The following USP7 variants were observed in gnomAD, a reference collection of about 807,000 sequenced individuals.
USP7 encodes the protein ubiquitin specific peptidase 7.
A neutral mutation model predicts 162.9 loss-of-function variants in USP7; 9 were observed. The ratio of observed to expected loss-of-function variants is 0.06; its 90% CI spans 0.03 to 0.10. USP7 has a LOEUF of 0.10. USP7 is among the 10% of genes least tolerant of loss of function. The pLI is 1.00. For synonymous variants in USP7, 562 were observed against 475.9 expected (o/e 1.18, Z -2.35); for missense variants, 715 against 1,373.7 (o/e 0.52, Z 7.58).
At chr16:8,917,962 T>C (rs1289423303) in intron 6 of USP7, among the ~76,000 whole-genome samples, 2 of 151,960 alleles carry the variant, frequency 1.3e-5, no homozygotes, top group African/African-American at 4.8e-5. Context: ...GATAATTTTT[T>C]TGTATTTTTA....
chr16:8,951,634 A>G (rs1192262441), intron 1 of USP7, among the ~76,000 whole-genome samples: 1 of 152,224 alleles, frequency 6.6e-6, no homozygotes, highest in Admixed American at 6.5e-5. Flanking sequence ...ATGCTGTAAT[A>G]TCTAACTCTG....
At position 8,944,873 on chromosome 16, in the gene USP7, A is replaced by G. The variant is rs1596408083; in HGVS notation, c.80-14476T>C. ...GTGATCCCAGCACTTGGGAGGCTGA[A>G]GTGAGGGGCAGATCGAATGAGGTCA... On this transcript the variant is annotated intron_variant, in intron 1 of 30. Transcript: ENST00000344836. Among the ~76,000 whole-genome samples the G allele has an allele frequency of 2.0e-5, 3 of 151,552 alleles. No individual in the cohort carries two copies. In the South Asian group the frequency reaches 6.2e-4, roughly 31 times the overall value.
intron 19 of USP7, 42 bp downstream of exon 19, chr16:8,901,100 T>A: frequency 6.2e-7 from 1 of 1,613,564 alleles, no homozygotes. Flanking sequence ...TGTAATGTAC[T>A]GAGCAAAATC....
At chr16:8,935,412 C>T (rs761251731) in intron 1 of USP7, among the ~76,000 whole-genome samples, 29 of 152,068 alleles carry the variant, frequency 1.9e-4, no homozygotes, top group Non-Finnish European at 3.5e-4. Context: ...GGTTTCACCA[C>T]GTTGGCCAGG....
chr16:8,894,495 ACTTGTTTCTTAGT>A, intron 30 of USP7, 42 bp downstream of exon 30: 4 of 1,576,470 alleles, frequency 2.5e-6, no homozygotes, highest in Non-Finnish European at 3.4e-6. Flanking sequence ...GCCCCAGACC[ACTTGTTTCTTAGT>A]CTGAAACCCA....
At chr16:8,922,658 C>T (rs1295229292) in intron 3 of USP7, among the ~76,000 whole-genome samples, 2 of 152,154 alleles carry the variant, frequency 1.3e-5, no homozygotes, top group Admixed American at 6.5e-5. Context: ...CAAAGTGGTC[C>T]GTACTCCCAG....
intron 2 of USP7, among the ~76,000 whole-genome samples, chr16:8,923,804 C>G (rs1357180102): frequency 6.6e-6 from 1 of 152,074 alleles, no homozygotes; most frequent in African/African-American, 2.4e-5. Context: ...GGGTAAAGAC[C>G]ACGACATGGG....
chr16:8,929,687 G>C (rs1014917208), intron 2 of USP7: 8 of 402,948 alleles, frequency 2.0e-5, no homozygotes, highest in Admixed American at 1.8e-4. Flanking sequence ...CAAATATTGA[G>C]GTCACTAATT....
chr16:8,951,976 C>G (rs1004925962), intron 1 of USP7, among the ~76,000 whole-genome samples: 1 of 152,190 alleles, frequency 6.6e-6, no homozygotes, highest in Non-Finnish European at 1.5e-5. Context: ...GGAACCACAC[C>G]ACAACGTTCA....
intron 3 of USP7, among the ~76,000 whole-genome samples, chr16:8,922,656 T>C (rs571296141): frequency 6.6e-6 from 1 of 152,206 alleles, no homozygotes; most frequent in East Asian, 1.9e-4. Context: ...GACAAAGTGG[T>C]CCGTACTCCC....
At chr16:8,943,113 C>A (rs540727172) in intron 1 of USP7, among the ~76,000 whole-genome samples, 1 of 151,972 alleles carries the variant, frequency 6.6e-6, no homozygotes, top group Non-Finnish European at 1.5e-5. Context: ...AAACCAAGCC[C>A]CAAAGAAGGC....
chr16:8,894,823 G>T lies in USP7; in HGVS notation c.3072C>A (p.Ile1024=), dbSNP rs1237278744. 1 of 1,614,192 alleles carries T rather than the reference G, an allele frequency of 6.2e-7. No individual in the cohort carries two copies. Among genetic ancestry groups the T allele is most frequent in the Non-Finnish European group, 8.5e-7 (1 of 1,180,038 alleles). ...GEHFREVMKR[I]QSLLDIQEKE... ...TCTCCTGGATGTCCAGCAGGCTCTG[G>T]ATTCGCTTCATCACTTCTCGAAAAT... Residue 1024 remains isoleucine (I), a synonymous_variant, in exon 29 of 31, where the codon ATC becomes ATA. Coordinates refer to ENST00000344836, the MANE Select transcript of USP7 (RefSeq NM_003470.3).
At position 8,906,427 on chromosome 16, in the gene USP7, T is replaced by C. The variant is rs147329800; in HGVS notation, c.1427A>G (p.Lys476Arg). ...TCAGCCCTGGGTCCCACCACTTACT[T>C]TGCCATCCCCTTTGGGGTTTAGATA... ...VVYLNPKGDGKWCKFDDDVVS... is the reference protein window; with the variant it reads ...VVYLNPKGDGRWCKFDDDVVS... Residue 476 changes from lysine (K) to arginine (R), a missense_variant and splice_region_variant, in exon 13 of 31, where the codon AAA (lysine) becomes AGA (arginine). By Grantham distance (26) the Lys-to-Arg change is conservative (BLOSUM62 2). Transcript: ENST00000344836. 35 of 1,611,058 alleles carry C rather than the reference T, an allele frequency of 2.2e-5. No homozygotes were observed. In the African/African-American group the frequency reaches 2.5e-4, roughly 12 times the overall value.
At chr16:8,926,659 G>C (rs558400644) in intron 2 of USP7, among the ~76,000 whole-genome samples, 1 of 152,028 alleles carries the variant, frequency 6.6e-6, no homozygotes, top group African/African-American at 2.4e-5. Context: ...TTATTTTTTT[G>C]CAACTTCCAA....
chr16:8,952,696 T>C (rs188711790), intron 1 of USP7, among the ~76,000 whole-genome samples: 69 of 152,240 alleles, frequency 4.5e-4, no homozygotes, highest in Non-Finnish European at 2.9e-5. Flanking sequence ...CATTTGCAGG[T>C]TTCAGCGATT....
At chr16:8,905,867 G>A (rs1230604758) in intron 13 of USP7, among the ~76,000 whole-genome samples, 2 of 152,208 alleles carry the variant, frequency 1.3e-5, no homozygotes, top group African/African-American at 4.8e-5. Flanking sequence ...AGTGATGAAC[G>A]CTGCTGTTAC....
chr16:8,910,556 C>T (rs2061930251), intron 11 of USP7, among the ~76,000 whole-genome samples, 189 bp downstream of exon 11: 1 of 152,110 alleles, frequency 6.6e-6, no homozygotes, highest in Admixed American at 6.5e-5. Context: ...CAGGATAAAC[C>T]AGCTGCACTC....
At chr16:8,951,184 G>A (rs1331457811) in intron 1 of USP7, among the ~76,000 whole-genome samples, 3 of 10,094 alleles carry the variant, frequency 3.0e-4, no homozygotes, top group African/African-American at 4.7e-4. Flanking sequence ...CTGTTTGACT[G>A]CTACAGTCAC....
intron 18 of USP7, among the ~76,000 whole-genome samples, 153 bp from the exon 19 acceptor site, chr16:8,901,387 G>A (rs2061772237): frequency 1.3e-5 from 2 of 151,628 alleles, no homozygotes; most frequent in South Asian, 2.1e-4. Context: ...GTACCTAAAA[G>A]TTACTTCAGA....
Sources: gnomAD v4.1 joint callset for allele counts (sites outside exome capture counted in the v4.1 genomes callset) on GRCh38, gnomAD v4.1.1 for gene constraint, MANE v1.5 for transcripts, NCBI Gene and HGNC (gene_info 2026-07-23, HGNC 2026-07-21) for gene names.